The following SLC24A2 variants were observed in gnomAD, a reference collection of about 807,000 sequenced individuals.
SLC24A2 encodes sodium/potassium/calcium exchanger 2.
A neutral mutation model predicts 62.0 loss-of-function variants in SLC24A2; 36 were observed. That is an observed-to-expected ratio of 0.58 (90% CI 0.44 to 0.77). The LOEUF is 0.77. SLC24A2 is among the 30% of genes least tolerant of loss of function. SLC24A2 has a pLI of 0.00. For synonymous variants in SLC24A2, 358 were observed against 294.0 expected (o/e 1.22, Z -2.23); for missense variants, 846 against 817.9 (o/e 1.03, Z -0.42).
the SLC24A2 span, among the ~76,000 whole-genome samples, chr9:19,881,938 A>T: frequency 2.0e-5 from 3 of 152,138 alleles, no homozygotes; most frequent in Admixed American, 6.6e-5. Context: ...CATGTTATTA[A>T]TTTTTTTCAC....
chr9:19,991,713 G>A, the SLC24A2 span, among the ~76,000 whole-genome samples: 2 of 152,150 alleles, frequency 1.3e-5, no homozygotes, highest in African/African-American at 4.8e-5. Context: ...CTCATTGTAT[G>A]GGCAATGGGG....
the SLC24A2 span, among the ~76,000 whole-genome samples, chr9:19,890,765 C>G: frequency 6.6e-6 from 1 of 152,182 alleles, no homozygotes; most frequent in African/African-American, 2.4e-5. Context: ...CCCGCCTCAG[C>G]CTCCCAAGTA....
chr9:19,532,305 A>G (rs1833746285), intron 8 of SLC24A2, among the ~76,000 whole-genome samples: 1 of 152,160 alleles, frequency 6.6e-6, no homozygotes, highest in African/African-American at 2.4e-5. Context: ...TATGTTGGTC[A>G]GGCTGGTCTC....
At chr9:20,294,763 C>T in the SLC24A2 span, among the ~76,000 whole-genome samples, 1 of 152,236 alleles carries the variant, frequency 6.6e-6, no homozygotes, top group East Asian at 1.9e-4. Context: ...AGAAATAAGG[C>T]ACCATCCTCA....
At chr9:20,249,771 C>G in the SLC24A2 span, among the ~76,000 whole-genome samples, 1 of 149,952 alleles carries the variant, frequency 6.7e-6, no homozygotes, top group Non-Finnish European at 1.5e-5. Context: ...ATAATATCTG[C>G]TATTATTAAA....
chr9:19,723,501 G>A (rs1036010155), intron 2 of SLC24A2, among the ~76,000 whole-genome samples: 5 of 152,094 alleles, frequency 3.3e-5, no homozygotes, highest in African/African-American at 1.2e-4. Flanking sequence ...ACCGTCTTAA[G>A]CCATAAGCTG....
the SLC24A2 span, among the ~76,000 whole-genome samples, chr9:20,257,544 C>A: frequency 2.0e-5 from 3 of 152,126 alleles, no homozygotes; most frequent in African/African-American, 7.2e-5. Context: ...AGTGGCGTGT[C>A]ATTGGGCCTC....
chr9:20,102,755 C>T, the SLC24A2 span, among the ~76,000 whole-genome samples: 2 of 152,004 alleles, frequency 1.3e-5, no homozygotes, highest in East Asian at 1.9e-4. Flanking sequence ...GTCTACAGCT[C>T]CCAGCATGAG....
chr9:20,068,057 C>CTTTTTT, the SLC24A2 span, among the ~76,000 whole-genome samples: 12 of 89,738 alleles, frequency 1.3e-4, no homozygotes, highest in Non-Finnish European at 1.9e-4. Context: ...TTTTTTGACT[C>CTTTTTT]TTTTTTTTTT....
chr9:19,786,908 C>G lies in SLC24A2; in HGVS notation c.-42G>C. ...GATATGGTGATCTTCCAACTTTAGA[C>G]TCAACCAGATGGTTCTTTCATACTT... On this transcript the variant is annotated 5_prime_UTR_variant, in exon 2 of 11. Transcript: ENST00000341998. The surrounding 1 kb of genome is among the most constrained non-coding windows in gnomAD (Gnocchi z 5.0). 6.3e-7 allele frequency: 1 copy of G among 1,599,998 alleles called. No individual in the cohort carries two copies. Among genetic ancestry groups the G allele is most frequent in the Non-Finnish European group, 8.5e-7 (1 of 1,179,204 alleles).
chr9:20,226,445 C>T, the SLC24A2 span, among the ~76,000 whole-genome samples: 1 of 152,122 alleles, frequency 6.6e-6, no homozygotes, highest in East Asian at 1.9e-4. Context: ...AAACTCACAG[C>T]CTTTACCTTC....
chr9:20,231,049 T>C, the SLC24A2 span, among the ~76,000 whole-genome samples: 6 of 152,278 alleles, frequency 3.9e-5, no homozygotes, highest in Admixed American at 6.5e-5. Flanking sequence ...GTTGTAGATA[T>C]GCCGCATTAT....
At chr9:20,042,433 G>T in the SLC24A2 span, among the ~76,000 whole-genome samples, 2 of 152,212 alleles carry the variant, frequency 1.3e-5, no homozygotes, top group Non-Finnish European at 2.9e-5. Context: ...AGAGCTGACA[G>T]CTTGATTCTG....
chr9:19,788,057 C>G (rs1450000184), intron 1 of SLC24A2, among the ~76,000 whole-genome samples: 1 of 152,134 alleles, frequency 6.6e-6, no homozygotes, highest in Non-Finnish European at 1.5e-5. Flanking sequence ...TCCATATCAA[C>G]GATTTCATTT....
intron 5 of SLC24A2, among the ~76,000 whole-genome samples, chr9:19,582,997 G>A (rs904277848): frequency 3.8e-4 from 58 of 151,384 alleles, no homozygotes; most frequent in Non-Finnish European, 1.0e-4. Flanking sequence ...TCCCCTCTCC[G>A]CCCCAGCCAG....
chr9:20,246,725 T>C, the SLC24A2 span, among the ~76,000 whole-genome samples: 1 of 152,192 alleles, frequency 6.6e-6, no homozygotes, highest in Non-Finnish European at 1.5e-5. Context: ...CCCTGGTCTG[T>C]GGGCCTTGGA....
intron 2 of SLC24A2, among the ~76,000 whole-genome samples, chr9:19,628,124 A>AC (rs1326468362): frequency 3.3e-5 from 5 of 152,104 alleles, no homozygotes; most frequent in Admixed American, 1.3e-4. Context: ...GACAGGATTC[A>AC]CCTCTTTGCC....
chr9:19,670,632 A>G (rs13301218), intron 2 of SLC24A2, among the ~76,000 whole-genome samples: 22,922 of 152,228 alleles, frequency 0.15, 2,218 homozygotes, highest in Non-Finnish European at 0.22. Flanking sequence ...CCAAGAGCAT[A>G]TAGCAAATAA....
At chr9:19,546,293 C>T (rs574881305) in intron 8 of SLC24A2, among the ~76,000 whole-genome samples, 116 of 152,352 alleles carry the variant, frequency 7.6e-4, no homozygotes, top group African/African-American at 2.1e-3. Flanking sequence ...CACCTACAAC[C>T]GCCCCTTCCG....
Sources: gnomAD v4.1 joint callset for allele counts (sites outside exome capture counted in the v4.1 genomes callset) on GRCh38, gnomAD v4.1.1 for gene constraint, Gnocchi (gnomAD v3.1) non-coding constraint, MANE v1.5 for transcripts, NCBI Gene and HGNC (gene_info 2026-07-23, HGNC 2026-07-21) for gene names.